NIPBL: variants seen among roughly 807,000 people sequenced by gnomAD.
NIPBL encodes NIPBL cohesin loading factor.
In NIPBL, 19 loss-of-function variants were observed where a neutral mutation model predicts 321.8. The ratio of observed to expected loss-of-function variants is 0.06; its 90% confidence interval spans 0.04 to 0.09. NIPBL has a LOEUF of 0.09. NIPBL is among the 10% of genes least tolerant of loss of function. The pLI is 1.00. For missense variants in NIPBL, 2,210 were observed against 3,327.0 expected (o/e 0.66, Z 8.26); for synonymous variants, 1,106 against 1,114.1 (o/e 0.99, Z 0.14).
chr5:36,970,140 G>T (rs938461325), intron 6 of NIPBL, among the ~76,000 whole-genome samples: 1 of 152,036 alleles, frequency 6.6e-6, no homozygotes, highest in Non-Finnish European at 1.5e-5. Flanking sequence ...TGTAATCCCA[G>T]TGCTTTGGGA....
At chr5:37,061,789 A>G (rs1349037054) in intron 45 of NIPBL, among the ~76,000 whole-genome samples, 1 of 152,192 alleles carries the variant, frequency 6.6e-6, no homozygotes, top group Admixed American at 6.5e-5. Context: ...TGTAAATGCT[A>G]TATACATAGT....
chr5:36,982,169 A>G (rs1333379444), intron 9 of NIPBL: 8 of 940,976 alleles, frequency 8.5e-6, no homozygotes, highest in Non-Finnish European at 1.0e-5. Context: ...CTTTAGGAAT[A>G]TATGTATTCT....
chr5:36,885,864 TA>T, intron 1 of NIPBL: 2 of 721,136 alleles, frequency 2.8e-6, no homozygotes, highest in South Asian at 1.4e-5. Context: ...GAAGAGGAAG[TA>T]AAAGGCCTAC....
rs1749714083 is a variant in NIPBL, at chr5:37,022,063, C to A, written c.5341C>A (p.Leu1781Ile). 6.2e-7 allele frequency: 1 copy of A among 1,613,828 alleles called. No homozygotes were observed. Residue 1781 changes from leucine to isoleucine, a missense_variant, in exon 28 of 47, where the codon CTT (leucine) becomes ATT (isoleucine). By Grantham distance (5) the Leu-to-Ile change is conservative. Transcript: ENST00000282516. ...DIYLTQILRV[L>I]GENAIAVRTK... ...GTTTGCTTGGCAGATCCTACGAGTT[C>A]TTGGTGAAAATGCAATTGCTGTTCG...
chr5:36,903,109 T>G (rs1747360248), intron 1 of NIPBL, among the ~76,000 whole-genome samples: 1 of 152,216 alleles, frequency 6.6e-6, no homozygotes, highest in South Asian at 2.1e-4. Context: ...ATTTTTGCAC[T>G]TCGTTTTGTA....
chr5:36,938,010 T>A (rs1425031047), intron 1 of NIPBL, among the ~76,000 whole-genome samples: 1 of 152,158 alleles, frequency 6.6e-6, no homozygotes, highest in Non-Finnish European at 1.5e-5. Context: ...TAGCACCGGT[T>A]GTTTGCCATG....
rs1747745129 is a variant in NIPBL, at chr5:37,008,805, C to T, written c.4421+82C>T. 3.7e-6 allele frequency: 3 copies of T among 803,874 alleles called. No homozygotes were observed. In the Middle Eastern group the frequency reaches 7.0e-4, roughly 187 times the overall value. 49.8% of individuals were successfully genotyped at this position (803,874 alleles called of 1,614,324 possible). ...TCATACATTTATTCTTCATTTCTGT[C>T]TGATTTATATTTTAATAATTAAAAA... is the stretch of plus-strand genomic sequence containing the variant. On this transcript the variant is annotated intron_variant, in intron 20 of 46. Coordinates refer to ENST00000282516, the MANE Select transcript of NIPBL (RefSeq NM_133433.4).
At chr5:36,890,729 T>A (rs1746260713) in intron 1 of NIPBL, among the ~76,000 whole-genome samples, 1 of 152,194 alleles carries the variant, frequency 6.6e-6, no homozygotes, top group African/African-American at 2.4e-5. Flanking sequence ...CATGGACTAG[T>A]CAGAACAAAG....
chr5:37,032,413 G>GTA (rs1349369241), intron 32 of NIPBL, among the ~76,000 whole-genome samples: 3 of 150,272 alleles, frequency 2.0e-5, no homozygotes, highest in Non-Finnish European at 3.0e-5. Context: ...GTGTGTGTGT[G>GTA]TGTGTGTGTG....
At chr5:37,009,055 C>T (rs1294935491) in intron 20 of NIPBL, among the ~76,000 whole-genome samples, 1 of 152,128 alleles carries the variant, frequency 6.6e-6, no homozygotes, top group African/African-American at 2.4e-5. Context: ...CCATTAGGTA[C>T]CAATAGACAC....
intron 45 of NIPBL, among the ~76,000 whole-genome samples, chr5:37,061,402 G>A (rs994476884): frequency 6.6e-6 from 1 of 152,202 alleles, no homozygotes; most frequent in South Asian, 2.1e-4. Context: ...AGTGGGCTGC[G>A]TGAGGTGGCT....
At chr5:36,971,847 T>C (rs1203503306) in intron 7 of NIPBL, 98 bp from the exon 8 acceptor site, 1 of 1,520,690 alleles carries the variant, frequency 6.6e-7, no homozygotes, top group Non-Finnish European at 8.9e-7. Context: ...TCCAACACTT[T>C]ACCTGTCAGT....
intron 32 of NIPBL, among the ~76,000 whole-genome samples, chr5:37,032,384 T>A (rs1751135804): frequency 1.5e-5 from 2 of 131,660 alleles, no homozygotes; most frequent in African/African-American, 6.1e-5. Flanking sequence ...CATACATGTA[T>A]ACGTGTGTGT....
In NIPBL at chr5:36,962,251, C is replaced by T. The variant is rs1334921130; in HGVS notation, c.587C>T (p.Thr196Ile). 6 of 1,613,942 alleles carry T rather than the reference C, an allele frequency of 3.7e-6. No homozygotes were observed. The South Asian group carries it at 4.4e-5, about 12-fold the overall frequency. Reference sequence around the variant, plus strand: ...CCATATTCCCATCCTTCAAGTTACACAACACATCCACAGATGCAACAAGGT... The same window carrying T: ...CCATATTCCCATCCTTCAAGTTACATAACACATCCACAGATGCAACAAGGT... Reference protein sequence around the residue: ...YMPYSHPSSYTTHPQMQQASV... With the variant: ...YMPYSHPSSYITHPQMQQASV... Residue 196 changes from threonine (T) to isoleucine (I), a missense_variant, in exon 6 of 47, where the codon ACA becomes ATA. Coordinates refer to ENST00000282516, the MANE Select transcript of NIPBL (RefSeq NM_133433.4).
At chr5:36,956,696 C>T (rs1357243382) in intron 3 of NIPBL, among the ~76,000 whole-genome samples, 1 of 134,884 alleles carries the variant, frequency 7.4e-6, no homozygotes, top group Non-Finnish European at 1.5e-5. Flanking sequence ...GCGATCTCGG[C>T]TCACTGCAAC....
At chr5:37,037,392 AATATATATATATATATGT>A (rs898788207) in intron 33 of NIPBL, among the ~76,000 whole-genome samples, 144 of 145,742 alleles carry the variant, frequency 9.9e-4, no homozygotes, top group East Asian at 3.1e-3. Context: ...CGTCTCAAAA[AATATATATATATATATGT>A]ATATATATAT....
At chr5:37,050,137 T>G (rs1278975207) in intron 40 of NIPBL, among the ~76,000 whole-genome samples, 1 of 152,138 alleles carries the variant, frequency 6.6e-6, no homozygotes, top group Non-Finnish European at 1.5e-5. Context: ...GGGTGCTTTT[T>G]ATTATATATG....
chr5:36,963,044 G>A lies in NIPBL; in HGVS notation c.610+770G>A, dbSNP rs1330695539. Among the ~76,000 whole-genome samples the A allele has an allele frequency of 2.0e-5, 3 of 151,992 alleles. No individual in the cohort carries two copies. In the East Asian group the frequency reaches 5.8e-4, roughly 29 times the overall value. On this transcript the variant is annotated intron_variant, in intron 6 of 46. Coordinates refer to ENST00000282516, the MANE Select transcript of NIPBL (RefSeq NM_133433.4). The stretch of plus-strand genomic sequence containing the variant: ...CAGTAAAGGAAAATTAATCTTAGAT[G>A]CAAAAATTTGAGATTAAATTACCAG...
chr5:36,955,533 T>C lies in NIPBL; in HGVS notation c.126T>C (p.Phe42=), dbSNP rs727504046. The C allele has an allele frequency of 8.7e-5, 141 of 1,613,908 alleles. No individual in the cohort carries two copies. The highest frequency in any genetic ancestry group is 1.1e-4 in the Non-Finnish European group (131 of 1,179,912). The change falls in exon 3 of 47, where the codon TTT becomes TTC. Residue 42 remains phenylalanine, a synonymous_variant. Coordinates refer to ENST00000282516, the MANE Select transcript of NIPBL (RefSeq NM_133433.4). ...LPATTTKSLL[F]NARIAEEVNC... ...CTACAACTACAAAGAGCCTTCTCTT[T>C]AATGCACGAATAGCAGAAGAGGTGA...
Sources: allele counts gnomAD v4.1 joint callset (sites outside exome capture counted in the v4.1 genomes callset), GRCh38; gene constraint gnomAD v4.1.1; transcripts MANE v1.5; gene names NCBI Gene and HGNC (gene_info 2026-07-23, HGNC 2026-07-21).